The following MYT1L variants were observed in gnomAD, a reference collection of about 807,000 sequenced individuals.
MYT1L encodes the protein myelin transcription factor 1 like, also known as myelin transcription factor 1-like protein.
A neutral mutation model predicts 126.7 loss-of-function variants in MYT1L; 12 were observed. The ratio of observed to expected loss-of-function variants is 0.09; its 90% CI spans 0.06 to 0.15. MYT1L has a LOEUF of 0.15. MYT1L is among the 10% of genes least tolerant of loss of function. MYT1L has a pLI of 1.00. For missense variants in MYT1L, 979 were observed against 1,585.2 expected (o/e 0.62, Z 6.49); for synonymous variants, 541 against 604.2 (o/e 0.90, Z 1.53).
At chr2:1,792,562 C>A in intron 23 of MYT1L, 98 bp from the exon 24 acceptor site, 1 of 1,314,464 alleles carries the variant, frequency 7.6e-7, no homozygotes, top group Non-Finnish European at 1.0e-6. Context: ...GAAGAAGGGG[C>A]CTCTCGCTGA....
At chr2:2,065,813 C>T (rs1197283700) in intron 3 of MYT1L, among the ~76,000 whole-genome samples, 1 of 139,892 alleles carries the variant, frequency 7.1e-6, no homozygotes, top group Non-Finnish European at 1.5e-5. Flanking sequence ...ATATCAATCT[C>T]TCTCTTTTAT....
chr2:1,971,624 A>G (rs2059814996), intron 8 of MYT1L, among the ~76,000 whole-genome samples: 1 of 152,024 alleles, frequency 6.6e-6, no homozygotes, highest in Non-Finnish European at 1.5e-5. Flanking sequence ...CCAGCTACTC[A>G]GGAGGCTGAG....
intron 21 of MYT1L, among the ~76,000 whole-genome samples, chr2:1,823,133 C>T (rs535676838): frequency 3.3e-5 from 5 of 152,292 alleles, no homozygotes; most frequent in African/African-American, 7.2e-5. Context: ...GGCATCGACA[C>T]GTGGGAGGAA....
intron 14 of MYT1L, among the ~76,000 whole-genome samples, chr2:1,895,781 A>C (rs1363909212): frequency 6.6e-6 from 1 of 152,234 alleles, no homozygotes; most frequent in Non-Finnish European, 1.5e-5. Flanking sequence ...GCCTTGGCAA[A>C]TATTTTTTTT....
At chr2:2,244,696 A>C (rs1363484327) in intron 2 of MYT1L, among the ~76,000 whole-genome samples, 2 of 152,168 alleles carry the variant, frequency 1.3e-5, no homozygotes, top group Non-Finnish European at 1.5e-5. Context: ...GAAGAGGGGA[A>C]ATGGTGGCAG....
At chr2:1,886,494 G>T (rs2048189424) in intron 18 of MYT1L, 45 bp downstream of exon 18, 2 of 1,377,826 alleles carry the variant, frequency 1.5e-6, no homozygotes, top group Non-Finnish European at 2.0e-6. Flanking sequence ...GTGAACTACT[G>T]AGTGCATGGA....
At chr2:1,945,724 A>G (rs557382962) in intron 8 of MYT1L, among the ~76,000 whole-genome samples, 1 of 152,322 alleles carries the variant, frequency 6.6e-6, no homozygotes, top group East Asian at 1.9e-4. Context: ...TACTCCATGA[A>G]TGATAGGAAC....
intron 2 of MYT1L, among the ~76,000 whole-genome samples, chr2:2,256,871 C>T (rs1010991744): frequency 2.0e-5 from 3 of 152,178 alleles, no homozygotes; most frequent in Non-Finnish European, 4.4e-5. Flanking sequence ...CATGTCTGTT[C>T]ACATGTATGA....
intron 3 of MYT1L, among the ~76,000 whole-genome samples, chr2:2,077,097 C>T (rs1558937756): frequency 6.6e-6 from 1 of 151,764 alleles, no homozygotes; most frequent in South Asian, 2.1e-4. Flanking sequence ...AAATTTGACC[C>T]TTAAGAACAA....
In MYT1L at chr2:2,232,464, C is replaced by A. The variant is rs114753559; in HGVS notation, c.-421+51940G>T. Reference sequence around the variant, plus strand: ...CTGGACTTGAAGTCTGCTCTTCTACCCACTTCATTAATTTCTCTCGGCCCA... The same window carrying A: ...CTGGACTTGAAGTCTGCTCTTCTACACACTTCATTAATTTCTCTCGGCCCA... On this transcript the variant is annotated intron_variant, in intron 2 of 24. Coordinates refer to ENST00000647738, the MANE Select transcript of MYT1L (RefSeq NM_001303052.2). Among the ~76,000 whole-genome samples the A allele has an allele frequency of 3.9e-3, 594 of 150,892 alleles. 5 individuals are homozygous for A. The highest frequency in any genetic ancestry group is 0.014 in the African/African-American group (566 of 41,448).
intron 8 of MYT1L, among the ~76,000 whole-genome samples, chr2:1,967,242 C>T (rs2059436391): frequency 6.6e-6 from 1 of 152,202 alleles, no homozygotes; most frequent in Non-Finnish European, 1.5e-5. Flanking sequence ...AAGCAAACTC[C>T]TTTTTAGCTT....
intron 9 of MYT1L, among the ~76,000 whole-genome samples, chr2:1,936,480 T>G (rs1258625175): frequency 6.6e-6 from 1 of 152,174 alleles, no homozygotes; most frequent in African/African-American, 2.4e-5. Flanking sequence ...AATGCCTCCG[T>G]GGATGCAGGG....
chr2:1,868,774 C>T (rs1490645660), intron 18 of MYT1L, among the ~76,000 whole-genome samples: 2 of 152,212 alleles, frequency 1.3e-5, no homozygotes, highest in African/African-American at 4.8e-5. Context: ...CTCCTCCCCC[C>T]TCCTCCCTGC....
chr2:2,128,766 G>T (rs2082013872), intron 3 of MYT1L, among the ~76,000 whole-genome samples: 1 of 152,006 alleles, frequency 6.6e-6, no homozygotes, highest in Non-Finnish European at 1.5e-5. Context: ...AACAGCATAG[G>T]TCATATTAAA....
chr2:2,076,322 A>G (rs1331226676), intron 3 of MYT1L, among the ~76,000 whole-genome samples: 1 of 152,226 alleles, frequency 6.6e-6, no homozygotes, highest in Non-Finnish European at 1.5e-5. Flanking sequence ...AGCATGGATT[A>G]AGAGTTAAGC....
intron 4 of MYT1L, among the ~76,000 whole-genome samples, chr2:2,003,382 C>T (rs2062602928): frequency 6.6e-6 from 1 of 152,196 alleles, no homozygotes; most frequent in South Asian, 2.1e-4. Context: ...TGAATAGTAA[C>T]AACCCAGGCC....
At chr2:2,065,589 T>C (rs1345551819) in intron 3 of MYT1L, among the ~76,000 whole-genome samples, 1 of 152,092 alleles carries the variant, frequency 6.6e-6, no homozygotes, top group East Asian at 1.9e-4. Flanking sequence ...TGGTTTCCTG[T>C]AAGATTCTAC....
chr2:1,932,792 A>G (rs1368787183), intron 9 of MYT1L, among the ~76,000 whole-genome samples: 1 of 152,102 alleles, frequency 6.6e-6, no homozygotes, highest in Non-Finnish European at 1.5e-5. Flanking sequence ...TGTGTGCCTG[A>G]AGCTCCAGGA....
At chr2:1,901,235 G>A (rs1342172897) in intron 14 of MYT1L, among the ~76,000 whole-genome samples, 1 of 152,106 alleles carries the variant, frequency 6.6e-6, no homozygotes, top group Non-Finnish European at 1.5e-5. Flanking sequence ...CAATGAAGCT[G>A]AAGAAAGAAA....
Sources: gnomAD v4.1 joint callset for allele counts (sites outside exome capture counted in the v4.1 genomes callset) on GRCh38, gnomAD v4.1.1 for gene constraint, MANE v1.5 for transcripts, NCBI Gene and HGNC (gene_info 2026-07-23, HGNC 2026-07-21) for gene names.